PRELID2: variants seen among roughly 807,000 people sequenced by gnomAD.
The protein encoded by PRELID2 is PRELI domain-containing protein 2.
In PRELID2, 25 loss-of-function variants were observed where a neutral mutation model predicts 28.4. The observed-to-expected ratio is 0.88, with a 90% CI of 0.64 to 1.23. The LOEUF is 1.23. Ranked by LOEUF, PRELID2 falls within the 50% of genes most tolerant of loss-of-function variation. The pLI is 0.00. For synonymous variants in PRELID2, 76 were observed against 71.6 expected (o/e 1.06, Z -0.31); for missense variants, 201 against 214.4 (o/e 0.94, Z 0.39).
chr5:145,323,830 G>A, the PRELID2 span, among the ~76,000 whole-genome samples: 30 of 152,222 alleles, frequency 2.0e-4, no homozygotes, highest in South Asian at 6.2e-3. Context: ...TTCCATGGTA[G>A]ATATGTATCA....
the PRELID2 span, among the ~76,000 whole-genome samples, chr5:145,459,522 C>T: frequency 2.0e-5 from 3 of 152,258 alleles, no homozygotes; most frequent in African/African-American, 7.2e-5. Context: ...TTTATATGTA[C>T]ATGAAGTATG....
chr5:145,318,077 T>C, the PRELID2 span, among the ~76,000 whole-genome samples: 1 of 152,208 alleles, frequency 6.6e-6, no homozygotes, highest in Admixed American at 6.5e-5. Context: ...TGTATATTTG[T>C]CTTATATTAT....
At chr5:145,302,986 A>G in the PRELID2 span, among the ~76,000 whole-genome samples, 1 of 152,192 alleles carries the variant, frequency 6.6e-6, no homozygotes, top group Admixed American at 6.5e-5. Flanking sequence ...TGATCTTTTA[A>G]GCTTTATAAT....
the PRELID2 span, among the ~76,000 whole-genome samples, chr5:145,334,775 T>C: frequency 1.1e-4 from 16 of 151,736 alleles, no homozygotes; most frequent in East Asian, 2.9e-3. Context: ...TTGTCAGTTT[T>C]TTTTTTTTTT....
intron 1 of PRELID2, among the ~76,000 whole-genome samples, chr5:145,582,146 T>G (rs542565755): frequency 6.6e-6 from 1 of 152,174 alleles, no homozygotes; most frequent in East Asian, 1.9e-4. Context: ...CTCTATCACC[T>G]ACTGTCAAGG....
At chr5:145,292,500 A>T in the PRELID2 span, among the ~76,000 whole-genome samples, 132 of 152,196 alleles carry the variant, frequency 8.7e-4, no homozygotes, top group Middle Eastern at 3.4e-3. Flanking sequence ...GACTTCACCT[A>T]CTCCAAGCAG....
chr5:145,671,415 T>A (rs558338686), intron 1 of PRELID2, among the ~76,000 whole-genome samples: 1 of 152,262 alleles, frequency 6.6e-6, no homozygotes, highest in East Asian at 1.9e-4. Flanking sequence ...AATTAAAAAA[T>A]TTTCTGTATT....
At chr5:145,672,472 T>C (rs1021213213) in intron 1 of PRELID2, among the ~76,000 whole-genome samples, 22 of 138,666 alleles carry the variant, frequency 1.6e-4, no homozygotes, top group Admixed American at 4.5e-4. Flanking sequence ...TTTTTGAAGC[T>C]AATGCTCAGA....
intron 1 of PRELID2, among the ~76,000 whole-genome samples, chr5:145,740,543 C>A (rs1398630762): frequency 1.4e-5 from 1 of 71,364 alleles, no homozygotes; most frequent in African/African-American, 4.8e-5. Context: ...TTTTACCCAA[C>A]AACATGAGAA....
At chr5:145,517,667 T>C (rs954834186) in intron 1 of PRELID2, among the ~76,000 whole-genome samples, 1 of 152,208 alleles carries the variant, frequency 6.6e-6, no homozygotes, top group Non-Finnish European at 1.5e-5. Context: ...TTATAAATTA[T>C]TCTACTATAA....
rs1452379926 is a variant in PRELID2 at position 145,819,345 on chromosome 5, G to A, written c.207+600C>T. On this transcript the variant is annotated intron_variant, in intron 3 of 6. Coordinates refer to ENST00000683046, the MANE Select transcript of PRELID2 (RefSeq NM_205846.3). Reference sequence around the variant, plus strand: ...GGACTCCCACTGAAAATCCCTCTATGGGTCAAGCAATGTGATTAAAAATTT... The same window carrying A: ...GGACTCCCACTGAAAATCCCTCTATAGGTCAAGCAATGTGATTAAAAATTT... 2.7e-6 allele frequency: 4 copies of A among 1,480,102 alleles called. No individual in the cohort carries two copies. The South Asian group carries it at 3.4e-5, about 13-fold the overall frequency. 91.7% of individuals were successfully genotyped at this position (1,480,102 alleles called of 1,614,324 possible).
chr5:145,741,918 A>C (rs1451525578), intron 1 of PRELID2, among the ~76,000 whole-genome samples: 1 of 112,666 alleles, frequency 8.9e-6, no homozygotes, highest in Non-Finnish European at 1.7e-5. Context: ...ATATATAAAT[A>C]AACAAATAAA....
At chr5:145,579,627 G>A (rs1753090973) in intron 1 of PRELID2, among the ~76,000 whole-genome samples, 1 of 152,078 alleles carries the variant, frequency 6.6e-6, no homozygotes, top group Non-Finnish European at 1.5e-5. Context: ...GTGAATCATT[G>A]AGTCACCTGC....
the PRELID2 span, among the ~76,000 whole-genome samples, chr5:145,400,666 T>G: frequency 1.3e-5 from 2 of 152,114 alleles, no homozygotes; most frequent in East Asian, 3.9e-4. Flanking sequence ...CACATTTGGT[T>G]TTATCCACCA....
At chr5:145,657,545 C>A (rs554234522) in intron 1 of PRELID2, among the ~76,000 whole-genome samples, 4 of 152,170 alleles carry the variant, frequency 2.6e-5, no homozygotes, top group African/African-American at 9.6e-5. Flanking sequence ...ATTAGCCGGG[C>A]GTGGTGGCAC....
At chr5:145,346,457 TCTC>T in the PRELID2 span, among the ~76,000 whole-genome samples, 7 of 152,248 alleles carry the variant, frequency 4.6e-5, no homozygotes, top group African/African-American at 1.7e-4. Flanking sequence ...TACTATCCCT[TCTC>T]CTATTCTTGG....
chr5:145,449,045 C>T, the PRELID2 span, among the ~76,000 whole-genome samples: 5 of 152,102 alleles, frequency 3.3e-5, no homozygotes, highest in South Asian at 1.0e-3. Flanking sequence ...CCATCTGCTG[C>T]CTGGTGTGTT....
the PRELID2 span, among the ~76,000 whole-genome samples, chr5:145,410,005 C>T: frequency 1.3e-5 from 2 of 152,050 alleles, no homozygotes; most frequent in Non-Finnish European, 2.9e-5. Flanking sequence ...GAAATAAAGC[C>T]AAATACTTAC....
chr5:145,663,240 C>T (rs1446031265), intron 1 of PRELID2, among the ~76,000 whole-genome samples: 1 of 152,116 alleles, frequency 6.6e-6, no homozygotes, highest in Non-Finnish European at 1.5e-5. Context: ...CCTCACCTGC[C>T]CCATGACAGA....
Sources: gnomAD v4.1 joint callset for allele counts (sites outside exome capture counted in the v4.1 genomes callset) on GRCh38, gnomAD v4.1.1 for gene constraint, MANE v1.5 for transcripts, NCBI Gene and HGNC (gene_info 2026-07-23, HGNC 2026-07-21) for gene names.